NAT2: variants seen among roughly 807,000 people sequenced by gnomAD.
NAT2 encodes the protein arylamine N-acetyltransferase 2.
For synonymous variants in NAT2, 137 were observed against 125.9 expected (o/e 1.09, Z -0.59); for missense variants, 428 against 339.1 (o/e 1.26, Z -2.06).
At chr8:18,388,378 T>G (rs1191011741), upstream of NAT2, among the ~76,000 whole-genome samples, 4 of 152,130 alleles carry the variant, frequency 2.6e-5, no homozygotes, top group Non-Finnish European at 5.9e-5. Context: ...CTGTCATGGA[T>G]CTGAGAAGAT....
upstream of NAT2, among the ~76,000 whole-genome samples, chr8:18,388,357 T>C (rs1268562064): frequency 2.0e-5 from 3 of 152,208 alleles, no homozygotes; most frequent in Non-Finnish European, 4.4e-5. Context: ...CACTTTGCTG[T>C]GACTTCAATT....
At chr8:18,395,951 C>G (rs373950703) in intron 1 of NAT2, among the ~76,000 whole-genome samples, 1 of 134,516 alleles carries the variant, frequency 7.4e-6, no homozygotes, top group African/African-American at 2.7e-5. Flanking sequence ...CCCAACCCAT[C>G]TTTTTTTTTT....
Position 18,400,659 on chromosome 8 carries a change from C to G in NAT2, c.656C>G (p.Thr219Ser). ...ACGTCTCCAACATCTTCATTTATAACCACATCATTTTGTTCCTTGCAGACC... is the reference window on the plus strand; with the variant it reads ...ACGTCTCCAACATCTTCATTTATAAGCACATCATTTTGTTCCTTGCAGACC... ...LQTSPTSSFI[T>S]TSFCSLQTPE... Residue 219 changes from threonine (T) to serine (S), a missense_variant, in exon 2 of 2, where the codon ACC becomes AGC. By Grantham distance (58) the Thr-to-Ser change is moderately conservative. Coordinates refer to ENST00000286479, the MANE Select transcript of NAT2 (RefSeq NM_000015.3). 8 of 1,613,936 alleles carry G rather than the reference C, an allele frequency of 5.0e-6. No homozygotes were observed. Among genetic ancestry groups the G allele is most frequent in the Non-Finnish European group, 5.9e-6 (7 of 1,179,956 alleles).
chr8:18,396,508 G>T (rs1800694095), intron 1 of NAT2, among the ~76,000 whole-genome samples: 1 of 152,104 alleles, frequency 6.6e-6, no homozygotes, highest in Non-Finnish European at 1.5e-5. Context: ...TGATTCTCCT[G>T]CCTCAGCCTC....
At chr8:18,398,023 G>A (rs1800722271) in intron 1 of NAT2, among the ~76,000 whole-genome samples, 1 of 152,172 alleles carries the variant, frequency 6.6e-6, no homozygotes, top group South Asian at 2.1e-4. Context: ...CCCTCTGAAG[G>A]ATTACTGAAA....
intron 1 of NAT2, among the ~76,000 whole-genome samples, chr8:18,397,092 C>CTA (rs1800705303): frequency 6.6e-6 from 1 of 152,216 alleles, no homozygotes; most frequent in East Asian, 1.9e-4. Context: ...GTGATTTCAT[C>CTA]TATAAAGTAC....
chr8:18,391,449 C>G (rs1425373991), intron 1 of NAT2, 104 bp downstream of exon 1: 1 of 151,382 alleles, frequency 6.6e-6, no homozygotes, highest in Admixed American at 6.6e-5. Context: ...CCCTCTTGTC[C>G]TAGGCGACCC....
chr8:18,398,646 G>A (rs919716932), intron 1 of NAT2, among the ~76,000 whole-genome samples: 2 of 152,170 alleles, frequency 1.3e-5, no homozygotes, highest in South Asian at 2.1e-4. Flanking sequence ...TAAGAGTCAC[G>A]TATTCCCCTG....
chr8:18,396,397 A>T (rs1378631269), intron 1 of NAT2, among the ~76,000 whole-genome samples: 1 of 152,118 alleles, frequency 6.6e-6, no homozygotes, highest in Non-Finnish European at 1.5e-5. Flanking sequence ...CACATTTTTA[A>T]CTTAAAACAA....
intron 1 of NAT2, among the ~76,000 whole-genome samples, chr8:18,392,647 C>T (rs1056487453): frequency 6.6e-6 from 1 of 152,186 alleles, no homozygotes; most frequent in African/African-American, 2.4e-5. Context: ...CACCCAGGAA[C>T]AATACTTTGA....
intron 1 of NAT2, among the ~76,000 whole-genome samples, chr8:18,398,605 G>A (rs955528100): frequency 6.6e-6 from 1 of 152,076 alleles, no homozygotes; most frequent in East Asian, 1.9e-4. Flanking sequence ...TAAAGTCTTC[G>A]ACGAAACCAT....
Position 18,400,047 on chromosome 8 carries a change from C to T in NAT2, c.44C>T (p.Ser15Phe). The change falls in exon 2 of 2, where the codon TCT becomes TTT. Residue 15 changes from serine to phenylalanine, a missense_variant. Physicochemically the swap from Ser to Phe is radical, Grantham distance 155. Coordinates refer to ENST00000286479, the MANE Select transcript of NAT2 (RefSeq NM_000015.3). ...AYFERIGYKNSRNKLDLETLT... is the reference protein window; with the variant it reads ...AYFERIGYKNFRNKLDLETLT... ...TTTGAAAGAATTGGCTATAAGAACT[C>T]TAGGAACAAATTGGACTTGGAAACA... The T allele has an allele frequency of 6.2e-7, 1 of 1,609,962 alleles. No individual in the cohort carries two copies. Among genetic ancestry groups the T allele is most frequent in the Non-Finnish European group, 8.5e-7 (1 of 1,177,846 alleles).
chr8:18,398,803 G>T, intron 1 of NAT2, among the ~76,000 whole-genome samples: 1 of 152,148 alleles, frequency 6.6e-6, no homozygotes, highest in Non-Finnish European at 1.5e-5. Flanking sequence ...GAGTTTCAAT[G>T]ATCTACTTAG....
chr8:18,392,523 T>C (rs1159317794), intron 1 of NAT2, among the ~76,000 whole-genome samples: 3 of 152,202 alleles, frequency 2.0e-5, no homozygotes, highest in Non-Finnish European at 4.4e-5. Flanking sequence ...CCTACTTTCA[T>C]TCTGGCTGTG....
At chr8:18,393,924 A>G (rs73579844) in intron 1 of NAT2, among the ~76,000 whole-genome samples, 193 of 152,332 alleles carry the variant, frequency 1.3e-3, no homozygotes, top group African/African-American at 1.7e-3. Flanking sequence ...CAGTTCTTCA[A>G]TTTTATGAAA....
Position 18,400,713 on chromosome 8 carries a change from T to G in NAT2, c.710T>G (p.Phe237Cys). The change falls in exon 2 of 2, where the codon TTC becomes TGC. Residue 237 changes from phenylalanine to cysteine, a missense_variant. Phe to Cys is a radical substitution (Grantham distance 205). Transcript: ENST00000286479. Reference protein sequence around the residue: ...TPEGVYCLVGFILTYRKFNYK... With the variant: ...TPEGVYCLVGCILTYRKFNYK... ...GAAGGGGTTTACTGTTTGGTGGGCT[T>G]CATCCTCACCTATAGAAAATTCAAT... The G allele has an allele frequency of 6.2e-7, 1 of 1,613,892 alleles. No homozygotes were observed. The highest frequency in any genetic ancestry group is 8.5e-7 in the Non-Finnish European group (1 of 1,179,964).
chr8:18,399,482 C>T (rs1173411504), intron 1 of NAT2, among the ~76,000 whole-genome samples: 5 of 152,132 alleles, frequency 3.3e-5, no homozygotes, highest in Non-Finnish European at 7.4e-5. Context: ...ATTCTGTAAA[C>T]TATTTCTTGA....
chr8:18,394,071 A>T (rs4369028), intron 1 of NAT2, among the ~76,000 whole-genome samples: 4 of 152,022 alleles, frequency 2.6e-5, no homozygotes, highest in African/African-American at 7.3e-5. Context: ...GGGTGGGGCC[A>T]TTTTATAGGA....
At position 18,400,478 on chromosome 8, in the gene NAT2, T is replaced by A. The variant is rs537007806; in HGVS notation, c.475T>A (p.Trp159Arg). 6.8e-6 allele frequency: 11 copies of A among 1,613,870 alleles called. No individual in the cohort carries two copies. The Admixed American group carries it at 1.3e-4, about 20-fold the overall frequency. ...IFCLTEERGI[W>R]YLDQIRREQY... The stretch of plus-strand genomic sequence containing the variant: ...CTGCTTGACAGAAGAGAGAGGAATC[T>A]GGTACCTGGACCAAATCAGGAGAGA... Residue 159 changes from tryptophan (W) to arginine (R), a missense_variant, in exon 2 of 2, where the codon TGG (tryptophan) becomes AGG (arginine). Coordinates refer to ENST00000286479, the MANE Select transcript of NAT2 (RefSeq NM_000015.3).
Sources: allele counts gnomAD v4.1 joint callset (sites outside exome capture counted in the v4.1 genomes callset), GRCh38; gene constraint gnomAD v4.1.1; transcripts MANE v1.5; gene names NCBI Gene and HGNC (gene_info 2026-07-23, HGNC 2026-07-21).